The following KCNJ2 variants were observed in gnomAD, a reference collection of about 807,000 sequenced individuals.
KCNJ2 encodes the protein potassium inwardly rectifying channel subfamily J member 2, also known as inward rectifier potassium channel 2.
In KCNJ2, 12 loss-of-function variants were observed where a neutral mutation model predicts 28.4. The ratio of observed to expected loss-of-function variants is 0.42; its 90% CI spans 0.27 to 0.68. The LOEUF is 0.68. Ranked by LOEUF, KCNJ2 falls within the 30% of genes least tolerant of loss-of-function variation. The pLI is 0.23. For synonymous variants in KCNJ2, 200 were observed against 203.2 expected, an observed-to-expected ratio of 0.98 and a Z score of 0.13; for missense variants, 320 against 551.3, an observed-to-expected ratio of 0.58 and a Z score of 4.20.
intron 1 of KCNJ2, among the ~76,000 whole-genome samples, chr17:70,170,482 G>A (rs2074359612): frequency 6.6e-6 from 1 of 152,192 alleles, no homozygotes. Context: ...GGAATGGGCA[G>A]TTTAATGTCT....
rs2074406143 is a variant in KCNJ2 at position 70,178,064 on chromosome 17, G to A, written c.*1741G>A. On this transcript the variant is annotated 3_prime_UTR_variant, in exon 2 of 2. Transcript: ENST00000243457. ...TTTTTTAATTTAAAGTTCCCTATTT[G>A]TGAATTCTGGGATTACTGACTTTTC... 7.8e-6 allele frequency: 1 copy of A among 128,270 alleles called. No homozygotes were observed. The highest frequency in any genetic ancestry group is 2.6e-4 in the South Asian group (1 of 3,804). The allele number at this position is 128,270 out of a possible 1,614,324, so 7.9% of individuals were successfully genotyped here.
At chr17:70,174,765 A>G (rs2074382168) in intron 1 of KCNJ2, 59 bp from the exon 2 acceptor site, 1 of 518,530 alleles carries the variant, frequency 1.9e-6, no homozygotes, top group Non-Finnish European at 3.5e-6. Context: ...ATTGTCTTAG[A>G]CAGTAGAATT....
Position 70,174,916 on chromosome 17 carries a change from C to G in KCNJ2, c.-124C>G. On this transcript the variant is annotated 5_prime_UTR_variant, in exon 2 of 2. Coordinates refer to ENST00000243457, the MANE Select transcript of KCNJ2 (RefSeq NM_000891.3). ...GAACCACAAGGCTCCCAGAGACACC[C>G]ATCTCTCCTCATTTTTTTGGTGTGT... 1 of 902,726 alleles carries G rather than the reference C, an allele frequency of 1.1e-6. No individual in the cohort carries two copies. The highest frequency in any genetic ancestry group is 1.8e-6 in the Non-Finnish European group (1 of 563,616). 55.9% of individuals were successfully genotyped at this position (902,726 alleles called of 1,614,324 possible). A position where few individuals can be genotyped will look rare whatever the true frequency, so the allele number is the denominator to read the frequency against.
intron 1 of KCNJ2, among the ~76,000 whole-genome samples, chr17:70,172,146 T>C (rs1241622861): frequency 6.6e-6 from 1 of 151,990 alleles, no homozygotes; most frequent in Non-Finnish European, 1.5e-5. Context: ...ATTTTTACCA[T>C]GAAATATTAA....
chr17:70,175,813 C>T lies in KCNJ2; in HGVS notation c.774C>T (p.Ile258=), dbSNP rs1057524125. Residue 258 remains isoleucine (I), a synonymous_variant, in exon 2 of 2, where the codon ATC becomes ATT. Coordinates refer to ENST00000243457, the MANE Select transcript of KCNJ2 (RefSeq NM_000891.3). This position sits in a 1 kb window ranked among gnomAD's most constrained non-coding sequence, Gnocchi z 8.3. ...TCAATGTTGGGTTTGACAGTGGAAT[C>T]GATCGTATATTTCTGGTGTCCCCAA... ...IDINVGFDSG[I]DRIFLVSPIT... is the part of the protein sequence containing the mutation. 17 of 1,614,118 alleles carry T rather than the reference C, an allele frequency of 1.1e-5. No individual in the cohort carries two copies. The highest frequency in any genetic ancestry group is 1.4e-5 in the Non-Finnish European group (17 of 1,180,020).
rs1177921644 is a variant in KCNJ2 at position 70,178,218 on chromosome 17, G to A, written c.*1895G>A. 6.0e-6 allele frequency: 1 copy of A among 166,902 alleles called. No individual in the cohort carries two copies. The highest frequency in any genetic ancestry group is 2.4e-5 in the African/African-American group (1 of 41,386). The allele number at this position is 166,902 out of a possible 1,614,324, so 10.3% of individuals were successfully genotyped here. ...TGTGATGGTCTCTGGTTCTTGAACA[G>A]CCATATCTGAATGCCGTGCCTGCAA... On this transcript the variant is annotated 3_prime_UTR_variant, in exon 2 of 2. Coordinates refer to ENST00000243457, the MANE Select transcript of KCNJ2 (RefSeq NM_000891.3).
In KCNJ2 at chr17:70,178,445, A is replaced by G. The variant is rs1426359671; in HGVS notation, c.*2122A>G. On this transcript the variant is annotated 3_prime_UTR_variant, in exon 2 of 2. Coordinates refer to ENST00000243457, the MANE Select transcript of KCNJ2 (RefSeq NM_000891.3). ...AAGAAAACTTACAGAAGAGGCAACA[A>G]TTTGGTTCTTGACAGTGAGAGGATA... The G allele has an allele frequency of 1.8e-5, 3 of 167,078 alleles. No homozygotes were observed. Among genetic ancestry groups the G allele is most frequent in the African/African-American group, 7.2e-5 (3 of 41,442 alleles). The allele number at this position is 167,078 out of a possible 1,614,324, so 10.3% of individuals were successfully genotyped here. A position where few individuals can be genotyped will look rare whatever the true frequency, so the allele number is the denominator to read the frequency against.
rs1336426867 is a variant in KCNJ2 at position 70,179,001 on chromosome 17, A to G, written c.*2678A>G. 6.2e-6 allele frequency: 1 copy of G among 161,356 alleles called. No homozygotes were observed. The highest frequency in any genetic ancestry group is 2.5e-5 in the African/African-American group (1 of 39,836). The allele number at this position is 161,356 out of a possible 1,614,324, so 10.0% of individuals were successfully genotyped here. On this transcript the variant is annotated 3_prime_UTR_variant, in exon 2 of 2. Coordinates refer to ENST00000243457, the MANE Select transcript of KCNJ2 (RefSeq NM_000891.3). ...TCTTCTGTTATTTATTTCAGCATGGACTGTTCATTTGAAACCTTTTTCTAG... is the reference window on the plus strand; with the variant it reads ...TCTTCTGTTATTTATTTCAGCATGGGCTGTTCATTTGAAACCTTTTTCTAG...
rs536061022 is a variant in KCNJ2, at chr17:70,179,233, G to A, written c.*2910G>A. Reference sequence around the variant, plus strand: ...AATGCAGACGGAGGGGACTCACCATGAATATCTGGGGTTGATTCCCAGATG... The same window carrying A: ...AATGCAGACGGAGGGGACTCACCATAAATATCTGGGGTTGATTCCCAGATG... On this transcript the variant is annotated 3_prime_UTR_variant, in exon 2 of 2. Coordinates refer to ENST00000243457, the MANE Select transcript of KCNJ2 (RefSeq NM_000891.3). 2 of 166,656 alleles carry A rather than the reference G, an allele frequency of 1.2e-5. No homozygotes were observed. The highest frequency in any genetic ancestry group is 1.3e-4 in the Admixed American group (2 of 15,266). The allele number at this position is 166,656 out of a possible 1,614,324, so 10.3% of individuals were successfully genotyped here.
chr17:70,179,274 T>C lies in KCNJ2; in HGVS notation c.*2951T>C, dbSNP rs1412401673. 6.0e-6 allele frequency: 1 copy of C among 166,786 alleles called. No individual in the cohort carries two copies. Among genetic ancestry groups the C allele is most frequent in the Non-Finnish European group, 1.5e-5 (1 of 68,076 alleles). The allele number at this position is 166,786 out of a possible 1,614,324, so 10.3% of individuals were successfully genotyped here. ...TTCCCAGATGTGTGTTGCTTCTCTA[T>C]TGCAAGCAGATTCCCTGTTGGATTT... is the stretch of plus-strand genomic sequence containing the variant. On this transcript the variant is annotated 3_prime_UTR_variant, in exon 2 of 2. Transcript: ENST00000243457.
rs557022392 is a variant in KCNJ2, at chr17:70,173,826, C to T, written c.-216-998C>T. 1.8e-4 allele frequency among the ~76,000 whole-genome samples: 27 copies of T among 152,282 alleles called. No homozygotes were observed. In the South Asian group the frequency reaches 2.3e-3, roughly 13 times the overall value. Reference sequence around the variant, plus strand: ...AATGAGTTCCTGCCTTATCTCAATCCGCTAAAGACCTGGTCCTTTGGCACA... The same window carrying T: ...AATGAGTTCCTGCCTTATCTCAATCTGCTAAAGACCTGGTCCTTTGGCACA... On this transcript the variant is annotated intron_variant, in intron 1 of 1. Transcript: ENST00000243457.
chr17:70,178,428 T>C lies in KCNJ2; in HGVS notation c.*2105T>C, dbSNP rs1444934375. The stretch of plus-strand genomic sequence containing the variant: ...TTGGGGATTGAGTTGTAAAGAAAAC[T>C]TACAGAAGAGGCAACAATTTGGTTC... On this transcript the variant is annotated 3_prime_UTR_variant, in exon 2 of 2. Coordinates refer to ENST00000243457, the MANE Select transcript of KCNJ2 (RefSeq NM_000891.3). 1 of 167,020 alleles carries C rather than the reference T, an allele frequency of 6.0e-6. No individual in the cohort carries two copies. Among genetic ancestry groups the C allele is most frequent in the Non-Finnish European group, 1.5e-5 (1 of 68,096 alleles). 10.3% of individuals were successfully genotyped at this position (167,020 alleles called of 1,614,324 possible).
At chr17:70,172,402 T>C (rs1436978561) in intron 1 of KCNJ2, among the ~76,000 whole-genome samples, 1 of 150,396 alleles carries the variant, frequency 6.6e-6, no homozygotes, top group African/African-American at 2.4e-5. Flanking sequence ...ATGCTCCACA[T>C]GTGGAACAAA....
At position 70,176,748 on chromosome 17, in the gene KCNJ2, A is replaced by G. The variant is rs973357736; in HGVS notation, c.*425A>G. ...GAACACAAATGTGTATTTTTGTTGC[A>G]GTGTAGTTTTCCTTTTGTGTAATTT... On this transcript the variant is annotated 3_prime_UTR_variant, in exon 2 of 2. Coordinates refer to ENST00000243457, the MANE Select transcript of KCNJ2 (RefSeq NM_000891.3). The G allele has an allele frequency of 9.7e-6, 2 of 207,180 alleles. No homozygotes were observed. Among genetic ancestry groups the G allele is most frequent in the African/African-American group, 2.4e-5 (1 of 42,536 alleles). 12.8% of individuals were successfully genotyped at this position (207,180 alleles called of 1,614,324 possible). A position where few individuals can be genotyped will look rare whatever the true frequency, so the allele number is the denominator to read the frequency against.
chr17:70,169,752 G>C (rs1033824971), intron 1 of KCNJ2, 51 bp downstream of exon 1: 1 of 153,222 alleles, frequency 6.5e-6, no homozygotes, highest in Non-Finnish European at 1.5e-5. Flanking sequence ...GTGTGTCCTG[G>C]GGAATGGACT....
Position 70,178,050 on chromosome 17 carries a change from A to G in KCNJ2, c.*1727A>G, listed in dbSNP as rs2074405987. The G allele has an allele frequency of 7.1e-6, 1 of 140,376 alleles. No individual in the cohort carries two copies. The highest frequency in any genetic ancestry group is 2.9e-5 in the African/African-American group (1 of 34,254). The allele number at this position is 140,376 out of a possible 1,614,324, so 8.7% of individuals were successfully genotyped here. A position where few individuals can be genotyped will look rare whatever the true frequency, so the allele number is the denominator to read the frequency against. On this transcript the variant is annotated 3_prime_UTR_variant, in exon 2 of 2. Coordinates refer to ENST00000243457, the MANE Select transcript of KCNJ2 (RefSeq NM_000891.3). ...CTCTTTTTTTTTTTTTTTTTAATTT[A>G]AAGTTCCCTATTTGTGAATTCTGGG...
rs541757748 is a variant in KCNJ2, at chr17:70,178,729, T to G, written c.*2406T>G. 1.8e-5 allele frequency: 3 copies of G among 166,962 alleles called. No individual in the cohort carries two copies. In the South Asian group the frequency reaches 6.2e-4, roughly 35 times the overall value. The allele number at this position is 166,962 out of a possible 1,614,324, so 10.3% of individuals were successfully genotyped here. ...AAAAGAGAAAAAAATATAAAATTTC[T>G]GGTGCACAGGTTTGTTTTTTCAAGA... On this transcript the variant is annotated 3_prime_UTR_variant, in exon 2 of 2. Transcript: ENST00000243457.
At chr17:70,171,394 G>T (rs998274625) in intron 1 of KCNJ2, among the ~76,000 whole-genome samples, 1 of 152,174 alleles carries the variant, frequency 6.6e-6, no homozygotes, top group Non-Finnish European at 1.5e-5. Context: ...GGGAATAGCT[G>T]CTCTAAACAC....
At position 70,175,353 on chromosome 17, in the gene KCNJ2, T is replaced by G; in HGVS notation, c.314T>G (p.Leu105Trp). ...SWLFFGCVFW[L>W]IALLHGDLDA... ...CTGTTTTTTGGCTGTGTGTTTTGGT[T>G]GATAGCTCTGCTCCATGGGGACCTG... Residue 105 changes from leucine to tryptophan, a missense_variant, in exon 2 of 2, where the codon TTG becomes TGG. Physicochemically the swap from Leu to Trp is moderately conservative, Grantham distance 61. This residue lies in a region of KCNJ2 where 111 missense variants were observed against 256.7 expected (regional missense o/e 0.43). Transcript: ENST00000243457. The surrounding 1 kb of genome is among the most constrained non-coding windows in gnomAD (Gnocchi z 8.3). 6.2e-7 allele frequency: 1 copy of G among 1,614,186 alleles called. No homozygotes were observed. The highest frequency in any genetic ancestry group is 8.5e-7 in the Non-Finnish European group (1 of 1,180,030).
Sources: gnomAD v4.1 joint callset for allele counts (sites outside exome capture counted in the v4.1 genomes callset) on GRCh38, gnomAD v4.1.1 for gene constraint, gnomAD v4.1.1 regional missense constraint, Gnocchi (gnomAD v3.1) non-coding constraint, MANE v1.5 for transcripts, NCBI Gene and HGNC (gene_info 2026-07-23, HGNC 2026-07-21) for gene names.